The following EML1 variants were observed in gnomAD, a reference collection of about 807,000 sequenced individuals.
The protein encoded by EML1 is EMAP like 1, also known as echinoderm microtubule-associated protein-like 1.
In EML1, 27 loss-of-function variants were observed where a neutral mutation model predicts 110.4. The observed-to-expected ratio is 0.24, with a 90% CI of 0.18 to 0.34. EML1 has a LOEUF of 0.34. EML1 is among the 10% of genes least tolerant of loss of function. The pLI is 1.00. For missense variants in EML1, 741 were observed against 1,030.9 expected, an observed-to-expected ratio of 0.72 and a Z score of 3.85; for synonymous variants, 344 against 385.8, an observed-to-expected ratio of 0.89 and a Z score of 1.27.
intron 3 of EML1, among the ~76,000 whole-genome samples, chr14:99,867,087 A>G (rs943231137): frequency 6.6e-6 from 1 of 151,872 alleles, no homozygotes; most frequent in Non-Finnish European, 1.5e-5. Context: ...CCTCTCTCCC[A>G]CCCTCCTTTT....
At chr14:99,864,237 A>G (rs936925831) in intron 2 of EML1, among the ~76,000 whole-genome samples, 1 of 152,118 alleles carries the variant, frequency 6.6e-6, no homozygotes, top group African/African-American at 2.4e-5. Context: ...TGTTCCTTAT[A>G]CAAGTCTTTT....
intron 1 of EML1, among the ~76,000 whole-genome samples, chr14:99,778,587 TC>T (rs2057507560): frequency 6.6e-6 from 1 of 152,184 alleles, no homozygotes; most frequent in Non-Finnish European, 1.5e-5. Flanking sequence ...GTTTTCTGAA[TC>T]CCATGTAATC....
rs141912093 is a variant in EML1 at position 99,785,526 on chromosome 14, G to A, written c.-27+11513G>A. Among the ~76,000 whole-genome samples, 17 of 152,282 alleles carry A rather than the reference G, an allele frequency of 1.1e-4. 2 individuals carry two copies. The highest frequency in any genetic ancestry group is 3.9e-4 in the African/African-American group (16 of 41,558). On this transcript the variant is annotated intron_variant, in intron 1 of 22. Transcript: ENST00000327921. ...AGCCAGCTCTAATTTTGCCAGATGGGAGTCGCAGAAAACTGGGAAGGGATA... is the reference window on the plus strand; with the variant it reads ...AGCCAGCTCTAATTTTGCCAGATGGAAGTCGCAGAAAACTGGGAAGGGATA...
At chr14:99,839,044 A>G (rs1205878032) in intron 1 of EML1, 1 of 151,730 alleles carries the variant, frequency 6.6e-6, no homozygotes, top group Non-Finnish European at 1.5e-5. Flanking sequence ...GCAAAATGAA[A>G]TGAGAGTCCA....
chr14:99,801,982 C>A (rs149371771), intron 1 of EML1, among the ~76,000 whole-genome samples: 1 of 152,306 alleles, frequency 6.6e-6, no homozygotes, highest in East Asian at 1.9e-4. Context: ...TTCACACTCA[C>A]TTCATGACAA....
chr14:99,841,809 GT>G (rs1432318961), intron 1 of EML1, among the ~76,000 whole-genome samples: 1 of 152,150 alleles, frequency 6.6e-6, no homozygotes, highest in African/African-American at 2.4e-5. Flanking sequence ...AGATCACAAC[GT>G]GGGAGATCGT....
chr14:99,739,063 A>ACAGTGTGTGT (rs2057004417), intron 1 of EML1, among the ~76,000 whole-genome samples: 1 of 51,476 alleles, frequency 1.9e-5, no homozygotes, highest in South Asian at 1.2e-3. Flanking sequence ...TGAGAGTGTG[A>ACAGTGTGTGT]GAGTGTGTGT....
intron 4 of EML1, among the ~76,000 whole-genome samples, chr14:99,882,460 T>A (rs1283229080): frequency 6.6e-6 from 1 of 151,998 alleles, no homozygotes; most frequent in Non-Finnish European, 1.5e-5. Context: ...TTACTGAAAG[T>A]TGTTGAAATG....
intron 1 of EML1, chr14:99,737,950 G>T: frequency 8.1e-7 from 1 of 1,234,792 alleles, no homozygotes. Flanking sequence ...CCCGCAGGCT[G>T]CAGGCAGCTG....
intron 6 of EML1, among the ~76,000 whole-genome samples, chr14:99,895,055 A>T (rs572218793): frequency 2.4e-4 from 36 of 152,320 alleles, no homozygotes; most frequent in Non-Finnish European, 1.3e-4. Flanking sequence ...TGCTGAAAAG[A>T]AAATATGAAG....
intron 1 of EML1, among the ~76,000 whole-genome samples, chr14:99,739,412 T>A (rs560369846): frequency 7.9e-5 from 12 of 152,190 alleles, no homozygotes; most frequent in Non-Finnish European, 1.3e-4. Context: ...GCCAGGACAA[T>A]ATTTAGCCCG....
chr14:99,917,611 A>G (rs917527214), intron 15 of EML1, among the ~76,000 whole-genome samples, 171 bp from the exon 16 acceptor site: 2 of 152,200 alleles, frequency 1.3e-5, no homozygotes, highest in East Asian at 1.9e-4. Flanking sequence ...CGCAGCATTC[A>G]TTCAAGCAGG....
At chr14:99,783,620 G>A (rs1423937899) in intron 1 of EML1, among the ~76,000 whole-genome samples, 1 of 151,950 alleles carries the variant, frequency 6.6e-6, no homozygotes, top group African/African-American at 2.4e-5. Context: ...GAGTAGCTGG[G>A]ACAACAGGTG....
At chr14:99,771,074 G>A (rs866235728), upstream of EML1, among the ~76,000 whole-genome samples, 18 of 152,054 alleles carry the variant, frequency 1.2e-4, no homozygotes, top group East Asian at 1.9e-4. Context: ...GTGAGCCACC[G>A]CGCCCGGCCT....
At chr14:99,749,318 A>G (rs2140170786) in intron 1 of EML1, among the ~76,000 whole-genome samples, 1 of 151,916 alleles carries the variant, frequency 6.6e-6, no homozygotes, top group East Asian at 1.9e-4. Flanking sequence ...CTTCACCGGC[A>G]CCTGTTACTG....
chr14:99,874,824 G>T (rs970236046), intron 3 of EML1: 6 of 950,980 alleles, frequency 6.3e-6, no homozygotes, highest in Non-Finnish European at 7.7e-6. Context: ...TTTCGATTTT[G>T]ATGTGTGCGT....
intron 1 of EML1, among the ~76,000 whole-genome samples, chr14:99,813,827 G>A (rs2058121537): frequency 6.6e-6 from 1 of 152,148 alleles, no homozygotes; most frequent in African/African-American, 2.4e-5. Flanking sequence ...TTGGAATTGA[G>A]ACTTGAGTTT....
At chr14:99,911,183 C>T (rs890282183) in intron 12 of EML1, among the ~76,000 whole-genome samples, 1 of 152,110 alleles carries the variant, frequency 6.6e-6, no homozygotes, top group African/African-American at 2.4e-5. Context: ...TTCTCAGCCG[C>T]GTGGTGCTTC....
rs554470257 is a variant in EML1, at chr14:99,852,782, T to C, written c.250+1747T>C. On this transcript the variant is annotated intron_variant, in intron 2 of 21. Transcript: ENST00000262233. ...CCACACATCTGTGGGAAGAAATCAA[T>C]TTCTTTGTCATCCCAGATGTTATCA... Among the ~76,000 whole-genome samples, 24 of 152,320 alleles carry C rather than the reference T, an allele frequency of 1.6e-4. No individual in the cohort carries two copies. In the East Asian group the frequency reaches 4.6e-3, roughly 29 times the overall value.
Sources: gnomAD v4.1 joint callset for allele counts (sites outside exome capture counted in the v4.1 genomes callset) on GRCh38, gnomAD v4.1.1 for gene constraint, MANE v1.5 for transcripts, NCBI Gene and HGNC (gene_info 2026-07-23, HGNC 2026-07-21) for gene names.